Variants in TXNDC11 observed in about 807,000 individuals in gnomAD.
The protein encoded by TXNDC11 is thioredoxin domain-containing protein 11.
In TXNDC11, 68 loss-of-function variants were observed where a neutral mutation model predicts 78.0. That is an observed-to-expected ratio of 0.87 (90% confidence interval 0.72 to 1.07). The LOEUF is 1.07. Ranked by LOEUF, TXNDC11 falls within the 50% of genes least tolerant of loss-of-function variation. The pLI is 0.00. For synonymous variants in TXNDC11, 571 were observed against 495.2 expected (o/e 1.15, Z -2.03); for missense variants, 1,389 against 1,221.8 (o/e 1.14, Z -2.04).
At chr16:11,738,085 C>G (rs1323643030) in intron 1 of TXNDC11, among the ~76,000 whole-genome samples, 1 of 152,156 alleles carries the variant, frequency 6.6e-6, no homozygotes, top group Non-Finnish European at 1.5e-5. Flanking sequence ...TACCCATTTA[C>G]TTAAATGTTA....
At position 11,736,090 on chromosome 16, in the gene TXNDC11, T is replaced by A. The variant is rs768924632; in HGVS notation, c.398A>T (p.Tyr133Phe). The A allele has an allele frequency of 1.9e-6, 3 of 1,614,168 alleles. No homozygotes were observed. The South Asian group carries it at 3.3e-5, about 18-fold the overall frequency. ...RDSEVVLLFF[Y>F]APWCGQSIAA... is the part of the protein sequence containing the mutation. ...GATGGACTGTCCACACCAAGGGGCA[T>A]AGAAGAAGAGCAGTACCACCTCTGA... is the stretch of plus-strand genomic sequence containing the variant. Residue 133 changes from tyrosine to phenylalanine, a missense_variant, in exon 2 of 12, where the codon TAT becomes TTT. Coordinates refer to ENST00000283033, the MANE Select transcript of TXNDC11 (RefSeq NM_015914.7).
In TXNDC11 at chr16:11,742,649, C is replaced by T; in HGVS notation, c.82G>A (p.Ala28Thr). Residue 28 changes from alanine (A) to threonine (T), a missense_variant, in exon 1 of 12, where the codon GCG becomes ACG. Physicochemically the swap from Ala to Thr is moderately conservative, Grantham distance 58 (BLOSUM62 0). Transcript: ENST00000283033. ...CTCGAGCTGAGGCAGTCTGAGCCCG[C>T]GGGGCCGCCGCCGCCCCCTCCCTCG... Reference protein sequence around the residue: ...EDEGGGGGGPAGSDCLSSSPT... With the variant: ...EDEGGGGGGPTGSDCLSSSPT... The T allele has an allele frequency of 1.4e-6, 2 of 1,460,468 alleles. No homozygotes were observed. The highest frequency in any genetic ancestry group is 9.0e-7 in the Non-Finnish European group (1 of 1,111,982). 90.5% of individuals were successfully genotyped at this position (1,460,468 alleles called of 1,614,324 possible).
intron 5 of TXNDC11, among the ~76,000 whole-genome samples, chr16:11,711,656 A>G (rs1487560909): frequency 6.6e-6 from 1 of 152,176 alleles, no homozygotes; most frequent in Non-Finnish European, 1.5e-5. Context: ...TTAGCAATCT[A>G]ATTCTATTTG....
At chr16:11,688,050 A>G in intron 9 of TXNDC11, 84 bp from the exon 10 acceptor site, 3 of 1,151,076 alleles carry the variant, frequency 2.6e-6, no homozygotes, top group South Asian at 2.6e-5. Flanking sequence ...GAATCCAGCA[A>G]GCACCCGAAA....
rs1597430288 is a variant in TXNDC11 at position 11,698,051 on chromosome 16, T to C, written c.1107+74A>G. 10 of 1,380,556 alleles carry C rather than the reference T, an allele frequency of 7.2e-6. No homozygotes were observed. In the South Asian group the frequency reaches 1.2e-4, roughly 16 times the overall value. The allele number at this position is 1,380,556 out of a possible 1,614,324, so 85.5% of individuals were successfully genotyped here. A position where few individuals can be genotyped will look rare whatever the true frequency, so the allele number is the denominator to read the frequency against. On this transcript the variant is annotated intron_variant, in intron 7 of 11. Coordinates refer to ENST00000283033, the MANE Select transcript of TXNDC11 (RefSeq NM_015914.7). ...TTAGCTGCCAGAGTAAATGACTGAG[T>C]GTGGGATGAGAGGAGCCAGGTAGAT...
In TXNDC11 at chr16:11,742,580, C is replaced by T. The variant is rs1373647177; in HGVS notation, c.151G>A (p.Gly51Arg). The change falls in exon 1 of 12, where the codon GGG (glycine) becomes AGG (arginine). Residue 51 changes from glycine to arginine, a missense_variant. Coordinates refer to ENST00000283033, the MANE Select transcript of TXNDC11 (RefSeq NM_015914.7). ...GCCATGAGGAAGGCGCCACGCAGCC[C>T]GCGACGGAGCCGGCCCGCCGAGGAC... is the stretch of plus-strand genomic sequence containing the variant. ...TASSAGRLRR[G>R]LRGAFLMARQ... is the part of the protein sequence containing the mutation. 4.1e-6 allele frequency: 6 copies of T among 1,457,936 alleles called. No individual in the cohort carries two copies. The African/African-American group carries it at 5.9e-5, about 14-fold the overall frequency. 90.3% of individuals were successfully genotyped at this position (1,457,936 alleles called of 1,614,324 possible). A position where few individuals can be genotyped will look rare whatever the true frequency, so the allele number is the denominator to read the frequency against.
At chr16:11,711,953 G>C (rs2051374516) in intron 5 of TXNDC11, among the ~76,000 whole-genome samples, 1 of 152,192 alleles carries the variant, frequency 6.6e-6, no homozygotes, top group Admixed American at 6.5e-5. Flanking sequence ...AGGTGGCCAA[G>C]GACAGACCAG....
intron 11 of TXNDC11, 109 bp downstream of exon 11, chr16:11,684,055 AG>A: frequency 1.3e-6 from 1 of 773,976 alleles, no homozygotes; most frequent in South Asian, 1.6e-5. Context: ...CTGGTTCCTA[AG>A]GGAACATTTT....
At position 11,687,919 on chromosome 16, in the gene TXNDC11, G is replaced by A; in HGVS notation, c.2091C>T (p.Ser697=). The A allele has an allele frequency of 6.2e-7, 1 of 1,613,926 alleles. No homozygotes were observed. Among genetic ancestry groups the A allele is most frequent in the Non-Finnish European group, 8.5e-7 (1 of 1,179,910 alleles). The change falls in exon 10 of 12, where the codon TCC becomes TCT. Residue 697 remains serine (S), a synonymous_variant. Transcript: ENST00000283033. ...YYAPWCGFCP[S]LNHIFIQLAR... is the part of the protein sequence containing the mutation. ...CTAGCTGGATGAAGATGTGATTGAG[G>A]GATGGACAGAAGCCGCACCACGGAG...
At chr16:11,713,337 TA>T (rs555901587) in intron 5 of TXNDC11, among the ~76,000 whole-genome samples, 130 of 150,568 alleles carry the variant, frequency 8.6e-4, no homozygotes, top group Middle Eastern at 3.4e-3. Context: ...TCTCACAAAA[TA>T]TACAAGGATT....
intron 5 of TXNDC11, among the ~76,000 whole-genome samples, chr16:11,720,736 T>C (rs1225987884): frequency 6.7e-6 from 1 of 150,022 alleles, no homozygotes; most frequent in Admixed American, 6.7e-5. Context: ...TATATATATA[T>C]ATGGTTTTTT....
chr16:11,705,967 G>C (rs1004552626), intron 5 of TXNDC11, among the ~76,000 whole-genome samples: 1 of 152,104 alleles, frequency 6.6e-6, no homozygotes, highest in African/African-American at 2.4e-5. Flanking sequence ...TTTATAAAAT[G>C]AATTATTTTG....
intron 7 of TXNDC11, among the ~76,000 whole-genome samples, chr16:11,695,673 C>A (rs1243811510): frequency 6.6e-6 from 1 of 152,164 alleles, no homozygotes; most frequent in African/African-American, 2.4e-5. Context: ...TTTTCTGGAA[C>A]CCTCCTGCCA....
intron 5 of TXNDC11, among the ~76,000 whole-genome samples, chr16:11,711,750 T>C (rs768586887): frequency 2.0e-5 from 3 of 152,244 alleles, no homozygotes; most frequent in Admixed American, 6.5e-5. Flanking sequence ...GGAGCCCTTA[T>C]GAGCCCTGCC....
chr16:11,700,429 A>G (rs764181093), intron 6 of TXNDC11, 23 bp downstream of exon 6: 4 of 1,205,404 alleles, frequency 3.3e-6, no homozygotes, highest in Non-Finnish European at 4.9e-6. Context: ...GCGCTAACAT[A>G]AACGTGATTT....
intron 7 of TXNDC11, among the ~76,000 whole-genome samples, chr16:11,695,164 G>C (rs2050826365): frequency 6.6e-6 from 1 of 152,118 alleles, no homozygotes; most frequent in African/African-American, 2.4e-5. Flanking sequence ...ACTCTCTAGA[G>C]ACACCAGGGT....
intron 5 of TXNDC11, among the ~76,000 whole-genome samples, chr16:11,721,155 G>T (rs1227710603): frequency 6.6e-6 from 1 of 152,020 alleles, no homozygotes; most frequent in Admixed American, 6.5e-5. Context: ...AAAATACACT[G>T]ACGGCTGGGC....
At chr16:11,723,587 A>C (rs2051781476) in intron 4 of TXNDC11, among the ~76,000 whole-genome samples, 1 of 152,144 alleles carries the variant, frequency 6.6e-6, no homozygotes, top group Non-Finnish European at 1.5e-5. Flanking sequence ...TCCATCTTAA[A>C]ACAAAAAACA....
chr16:11,740,464 A>T (rs1255149607), intron 1 of TXNDC11, among the ~76,000 whole-genome samples: 1 of 152,246 alleles, frequency 6.6e-6, no homozygotes, highest in African/African-American at 2.4e-5. Context: ...TTCCTTTTCA[A>T]TCTCAAAGGA....
Sources: allele counts gnomAD v4.1 joint callset (sites outside exome capture counted in the v4.1 genomes callset), GRCh38; gene constraint gnomAD v4.1.1; transcripts MANE v1.5; gene names NCBI Gene and HGNC (gene_info 2026-07-23, HGNC 2026-07-21).